ARMH3: variants seen among roughly 807,000 people sequenced by gnomAD.
The protein encoded by ARMH3 is armadillo-like helical domain-containing protein 3.
Under a neutral mutation model 99.1 loss-of-function variants are expected in ARMH3, and 60 were observed. The ratio of observed to expected loss-of-function variants is 0.61; its 90% CI spans 0.49 to 0.75. ARMH3 has a LOEUF of 0.75. Among genes scored for constraint, ARMH3 ranks in the 30% least tolerant of loss-of-function variants. ARMH3 has a pLI of 0.00. For missense variants in ARMH3, 679 were observed against 843.1 expected, an observed-to-expected ratio of 0.81 and a Z score of 2.41; for synonymous variants, 285 against 292.8, an observed-to-expected ratio of 0.97 and a Z score of 0.27.
intron 20 of ARMH3, among the ~76,000 whole-genome samples, chr10:101,961,968 T>C (rs986426899): frequency 6.6e-6 from 1 of 152,220 alleles, no homozygotes; most frequent in Non-Finnish European, 1.5e-5. Flanking sequence ...CCTTATCATG[T>C]TTCTCATTGT....
At chr10:101,997,172 A>G (rs1847099781) in intron 15 of ARMH3, among the ~76,000 whole-genome samples, 3 of 148,528 alleles carry the variant, frequency 2.0e-5, no homozygotes, top group South Asian at 4.3e-4. Context: ...GGCTGAGGCA[A>G]GAGAATCGCT....
At chr10:102,035,793 G>T (rs1020449615) in intron 2 of ARMH3, among the ~76,000 whole-genome samples, 14 of 152,238 alleles carry the variant, frequency 9.2e-5, no homozygotes, top group Non-Finnish European at 1.6e-4. Context: ...GCCTCCCAAA[G>T]TGCCGAGATT....
At chr10:101,848,965 A>G (rs2066522436) in intron 25 of ARMH3, among the ~76,000 whole-genome samples, 1 of 152,212 alleles carries the variant, frequency 6.6e-6, no homozygotes. Context: ...ATGTCATGTC[A>G]GGATCAGAGT....
At chr10:101,929,320 G>A (rs1298929126) in intron 23 of ARMH3, among the ~76,000 whole-genome samples, 1 of 152,160 alleles carries the variant, frequency 6.6e-6, no homozygotes, top group Non-Finnish European at 1.5e-5. Flanking sequence ...AGCTCACCAA[G>A]GAATAAAGCA....
chr10:101,847,739 A>G lies in ARMH3; in HGVS notation c.1978-119T>C, dbSNP rs568619459. The G allele has an allele frequency of 2.0e-5, 18 of 879,626 alleles. No homozygotes were observed. In the Admixed American group the frequency reaches 2.6e-4, roughly 13 times the overall value. The allele number at this position is 879,626 out of a possible 1,614,324, so 54.5% of individuals were successfully genotyped here. On this transcript the variant is annotated intron_variant, in intron 25 of 25. Coordinates refer to ENST00000370033, the MANE Select transcript of ARMH3 (RefSeq NM_024541.3). ...ACGGGGCACTAGAAGTCTCTCTCTT[A>G]GGAAATGAACCCTTAACAGCTATTA...
chr10:101,853,043 T>TCC (rs2066642027), intron 24 of ARMH3, among the ~76,000 whole-genome samples: 4 of 148,154 alleles, frequency 2.7e-5, no homozygotes, highest in African/African-American at 9.8e-5. Context: ...GCCACCATGC[T>TCC]TGGCTAATTT....
rs764922849 is a variant in ARMH3 at position 102,033,089 on chromosome 10, T to A, written c.243A>T (p.Leu81Phe). The A allele has an allele frequency of 6.2e-7, 1 of 1,614,210 alleles. No individual in the cohort carries two copies. The highest frequency in any genetic ancestry group is 2.2e-5 in the East Asian group (1 of 44,880). The change falls in exon 4 of 26, where the codon TTA becomes TTT. Residue 81 changes from leucine to phenylalanine, a missense_variant. This residue lies in a region of ARMH3 where 280 missense variants were observed against 354.6 expected (regional missense o/e 0.79). Coordinates refer to ENST00000370033, the MANE Select transcript of ARMH3 (RefSeq NM_024541.3). The stretch of plus-strand genomic sequence containing the variant: ...CCAGAGCCTGGATGCAGTGTTGGAA[T>A]AAGCAATTAATATTGTCCTTGATCT... ...LMKIKDNINCLFQHCIQALGE... is the reference protein window; with the variant it reads ...LMKIKDNINCFFQHCIQALGE...
At chr10:101,894,082 G>T (rs1465719304) in intron 23 of ARMH3, among the ~76,000 whole-genome samples, 1 of 152,166 alleles carries the variant, frequency 6.6e-6, no homozygotes, top group Non-Finnish European at 1.5e-5. Flanking sequence ...GAGTAAGGTG[G>T]AACAGTCTAG....
chr10:101,893,499 C>T (rs987704563), intron 23 of ARMH3, among the ~76,000 whole-genome samples: 1 of 151,034 alleles, frequency 6.6e-6, no homozygotes, highest in South Asian at 2.1e-4. Context: ...GTCCAAGTAC[C>T]CTAGCTTCTG....
intron 2 of ARMH3, among the ~76,000 whole-genome samples, chr10:102,038,089 C>CTTTTTTTTTTTTTT (rs949920845): frequency 8.8e-6 from 1 of 113,316 alleles, no homozygotes; most frequent in Admixed American, 9.9e-5. Context: ...AGAAAGAATC[C>CTTTTTTTTTTTTTT]TTTTTTTTTT....
rs145523791 is a variant in ARMH3 at position 101,910,102 on chromosome 10, G to A, written c.1782-20612C>T. On this transcript the variant is annotated intron_variant, in intron 23 of 25. Transcript: ENST00000370033. ...CAATGCAGGAAATCAATACAGTGATGCGGCCCTGGCAAGTCAAAAACACTG... is the reference window on the plus strand; with the variant it reads ...CAATGCAGGAAATCAATACAGTGATACGGCCCTGGCAAGTCAAAAACACTG... 2.6e-3 allele frequency among the ~76,000 whole-genome samples: 403 copies of A among 152,274 alleles called. 3 individuals are homozygous for A. The highest frequency in any genetic ancestry group is 8.8e-3 in the African/African-American group (366 of 41,560).
At chr10:102,007,333 A>AT (rs970120808) in intron 13 of ARMH3, among the ~76,000 whole-genome samples, 8 of 144,368 alleles carry the variant, frequency 5.5e-5, no homozygotes, top group African/African-American at 1.0e-4. Flanking sequence ...CACCACAGAC[A>AT]TTTAAAAAAA....
At chr10:101,930,356 A>C (rs1443461870) in intron 23 of ARMH3, among the ~76,000 whole-genome samples, 1 of 152,028 alleles carries the variant, frequency 6.6e-6, no homozygotes, top group East Asian at 1.9e-4. Flanking sequence ...TCACAGCTAA[A>C]TGTTTTAATA....
At chr10:101,939,776 T>C (rs2135714645) in intron 23 of ARMH3, 87 bp downstream of exon 23, 2 of 1,109,592 alleles carry the variant, frequency 1.8e-6, no homozygotes, top group Non-Finnish European at 2.7e-6. Flanking sequence ...AAAATAGTAG[T>C]AGTGTTCAAC....
chr10:101,947,163 G>C (rs1310562949), intron 22 of ARMH3, among the ~76,000 whole-genome samples: 2 of 151,724 alleles, frequency 1.3e-5, no homozygotes, highest in African/African-American at 4.8e-5. Flanking sequence ...CTCCAGCCTA[G>C]GCGACAGAGC....
intron 20 of ARMH3, among the ~76,000 whole-genome samples, chr10:101,966,426 G>A (rs963408023): frequency 1.3e-4 from 19 of 149,284 alleles, no homozygotes; most frequent in Middle Eastern, 3.4e-3. Context: ...ACAGGCGCCC[G>A]CCACCACGCC....
intron 23 of ARMH3, among the ~76,000 whole-genome samples, chr10:101,905,171 C>G (rs1490709872): frequency 1.3e-5 from 2 of 152,120 alleles, no homozygotes; most frequent in African/African-American, 4.8e-5. Flanking sequence ...TATAGGACTT[C>G]TTAGGCATCT....
At chr10:101,940,113 G>A (rs1160305306) in intron 22 of ARMH3, among the ~76,000 whole-genome samples, 175 bp from the exon 23 acceptor site, 5 of 152,178 alleles carry the variant, frequency 3.3e-5, no homozygotes, top group African/African-American at 9.7e-5. Context: ...TAGAATTCTC[G>A]CAACTATTTT....
At chr10:101,984,779 A>G (rs1846387771) in intron 19 of ARMH3, among the ~76,000 whole-genome samples, 1 of 151,958 alleles carries the variant, frequency 6.6e-6, no homozygotes, top group Admixed American at 6.6e-5. Flanking sequence ...AAATATATAT[A>G]TATACTGGAG....
Sources: gnomAD v4.1 joint callset for allele counts (sites outside exome capture counted in the v4.1 genomes callset) on GRCh38, gnomAD v4.1.1 for gene constraint, gnomAD v4.1.1 regional missense constraint, MANE v1.5 for transcripts, NCBI Gene and HGNC (gene_info 2026-07-23, HGNC 2026-07-21) for gene names.